NEMF: variants seen among roughly 807,000 people sequenced by gnomAD.
The protein encoded by NEMF is nuclear export mediator factor.
In NEMF, 89 loss-of-function variants were observed where a neutral mutation model predicts 162.2. The ratio of observed to expected loss-of-function variants is 0.55; its 90% CI spans 0.46 to 0.65. NEMF has a LOEUF of 0.65. Ranked by LOEUF, NEMF falls within the 30% of genes least tolerant of loss-of-function variation. The pLI, the probability that NEMF is intolerant of heterozygous loss-of-function variation, is 0.00. For synonymous variants in NEMF, 421 were observed against 404.5 expected, an observed-to-expected ratio of 1.04 and a Z score of -0.49; for missense variants, 1,133 against 1,261.9, an observed-to-expected ratio of 0.90 and a Z score of 1.55.
Position 49,782,498 on chromosome 14 carries a change from C to T in NEMF, c.*2138G>A. ...TCACATTATTACTGAAACTTACTTGCAAAGCATTTGCTTTTAAATGTGTTC... is the reference window on the plus strand; with the variant it reads ...TCACATTATTACTGAAACTTACTTGTAAAGCATTTGCTTTTAAATGTGTTC... On this transcript the variant is annotated 3_prime_UTR_variant, in exon 33 of 33. Coordinates refer to ENST00000298310, the MANE Select transcript of NEMF (RefSeq NM_004713.6). The T allele has an allele frequency of 1.3e-6, 2 of 1,594,978 alleles. No homozygotes were observed. Among genetic ancestry groups the T allele is most frequent in the Non-Finnish European group, 1.7e-6 (2 of 1,165,674 alleles).
chr14:49,836,099 G>A (rs1364390673), intron 6 of NEMF, among the ~76,000 whole-genome samples: 4 of 152,158 alleles, frequency 2.6e-5, no homozygotes, highest in Non-Finnish European at 5.9e-5. Flanking sequence ...GGCCAAGAAG[G>A]TGAAACCCCA....
intron 18 of NEMF, among the ~76,000 whole-genome samples, chr14:49,807,239 A>C (rs1323052266): frequency 6.6e-6 from 1 of 152,262 alleles, no homozygotes; most frequent in Non-Finnish European, 1.5e-5. Context: ...GCAAGTCTGA[A>C]TAATATTCCA....
Position 49,829,336 on chromosome 14 carries a change from C to T in NEMF, c.1023+13G>A, listed in dbSNP as rs763723445. 5.0e-6 allele frequency: 8 copies of T among 1,613,780 alleles called. No individual in the cohort carries two copies. Among genetic ancestry groups the T allele is most frequent in the Non-Finnish European group, 6.8e-6 (8 of 1,179,844 alleles). ...CATTTTTGAAAAAGCACTGAGAAAGCCAAACATAATACCTGAGCCTGCTGA... is the reference window on the plus strand; with the variant it reads ...CATTTTTGAAAAAGCACTGAGAAAGTCAAACATAATACCTGAGCCTGCTGA... On this transcript the variant is annotated intron_variant, in intron 12 of 32. Transcript: ENST00000298310.
chr14:49,818,950 C>G (rs1021658712), intron 16 of NEMF, among the ~76,000 whole-genome samples: 1 of 152,146 alleles, frequency 6.6e-6, no homozygotes, highest in Non-Finnish European at 1.5e-5. Context: ...AACTTCCAAA[C>G]AGCATTTAAA....
At chr14:49,828,033 G>C (rs1356157321) in intron 15 of NEMF, among the ~76,000 whole-genome samples, 1 of 152,174 alleles carries the variant, frequency 6.6e-6, no homozygotes, top group African/African-American at 2.4e-5. Flanking sequence ...TGATTTATGG[G>C]AAAAGAGTCC....
chr14:49,849,363 C>T (rs1042959999), intron 3 of NEMF, among the ~76,000 whole-genome samples: 6 of 152,200 alleles, frequency 3.9e-5, no homozygotes, highest in Admixed American at 1.3e-4. Context: ...AAGCTTGTTT[C>T]ATTTCCCTAT....
intron 16 of NEMF, among the ~76,000 whole-genome samples, chr14:49,816,033 T>C (rs1891699770): frequency 6.6e-6 from 1 of 152,148 alleles, no homozygotes; most frequent in African/African-American, 2.4e-5. Context: ...CTTCAGTTCC[T>C]GTCACTACAC....
rs770108322 is a variant in NEMF at position 49,789,522 on chromosome 14, G to A, written c.2671C>T (p.Arg891Cys). 3.1e-6 allele frequency: 5 copies of A among 1,612,284 alleles called. No homozygotes were observed. Among genetic ancestry groups the A allele is most frequent in the East Asian group, 2.2e-5 (1 of 44,868 alleles). The change falls in exon 27 of 33, where the codon CGT becomes TGT. Residue 891 changes from arginine to cysteine, a missense_variant. Physicochemically the swap from Arg to Cys is radical, Grantham distance 180. This residue lies in a region of NEMF where 532 missense variants were observed against 578.6 expected (regional missense o/e 0.92). Coordinates refer to ENST00000298310, the MANE Select transcript of NEMF (RefSeq NM_004713.6). The part of the protein sequence containing the change: ...EKYKDQDEED[R>C]ELIMKLLGSA... ...CCCAGCAACTTCATGATAAGTTCAC[G>A]GTCTTCTTCATCCTGGTCTTTGTAT...
At chr14:49,786,638 T>C (rs1042146648) in intron 29 of NEMF, 80 bp downstream of exon 29, 3 of 1,388,506 alleles carry the variant, frequency 2.2e-6, no homozygotes, top group African/African-American at 1.4e-5. Context: ...TTCTAAGTTT[T>C]AATAAGTTGT....
intron 5 of NEMF, among the ~76,000 whole-genome samples, 174 bp from the exon 6 acceptor site, chr14:49,838,380 A>G (rs557677462): frequency 2.0e-5 from 3 of 152,278 alleles, no homozygotes; most frequent in East Asian, 3.9e-4. Context: ...TATTTACCCA[A>G]GATTAACAGG....
chr14:49,848,779 G>A (rs998644529), intron 3 of NEMF, among the ~76,000 whole-genome samples: 13 of 142,646 alleles, frequency 9.1e-5, no homozygotes, highest in African/African-American at 3.1e-4. Flanking sequence ...AAGTTGCAGT[G>A]AGCCAAGACT....
chr14:49,847,047 G>C (rs1049318951), intron 3 of NEMF, among the ~76,000 whole-genome samples: 1 of 150,622 alleles, frequency 6.6e-6, no homozygotes, highest in Non-Finnish European at 1.5e-5. Flanking sequence ...CACCACACCC[G>C]GCTAATTTTT....
intron 28 of NEMF, 59 bp from the exon 29 acceptor site, chr14:49,786,809 T>C (rs1890200062): frequency 6.8e-7 from 1 of 1,472,644 alleles, no homozygotes; most frequent in Non-Finnish European, 9.4e-7. Flanking sequence ...AAATTCCACA[T>C]CATTAAACCA....
At chr14:49,788,533 A>C (rs1380818377) in intron 28 of NEMF, among the ~76,000 whole-genome samples, 1 of 149,900 alleles carries the variant, frequency 6.7e-6, no homozygotes, top group Non-Finnish European at 1.5e-5. Context: ...ACACATCTTC[A>C]AGACAATCCC....
chr14:49,847,309 C>A (rs1394216967), intron 3 of NEMF, among the ~76,000 whole-genome samples: 1 of 152,070 alleles, frequency 6.6e-6, no homozygotes, highest in Non-Finnish European at 1.5e-5. Flanking sequence ...TCAAGCAATC[C>A]TCCTGCCTCA....
At position 49,800,509 on chromosome 14, in the gene NEMF, C is replaced by T. The variant is rs773571850; in HGVS notation, c.2283G>A (p.Gln761=). 6 of 1,613,778 alleles carry T rather than the reference C, an allele frequency of 3.7e-6. No individual in the cohort carries two copies. Among genetic ancestry groups the T allele is most frequent in the Non-Finnish European group, 5.1e-6 (6 of 1,179,884 alleles). Reference sequence around the variant, plus strand: ...CATCCTTCATTTCACCAACAGAATCCTGATCTTTTCTAACCTCTTCATATT... The same window carrying T: ...CATCCTTCATTTCACCAACAGAATCTTGATCTTTTCTAACCTCTTCATATT... ...EGEYEEVRKD[Q]DSVGEMKDEG... The change falls in exon 23 of 33, where the codon CAG becomes CAA. Residue 761 remains glutamine (Q), a synonymous_variant. Transcript: ENST00000298310.
chr14:49,807,190 C>G (rs1891254871), intron 18 of NEMF, among the ~76,000 whole-genome samples: 1 of 152,188 alleles, frequency 6.6e-6, no homozygotes, highest in Non-Finnish European at 1.5e-5. Flanking sequence ...TTTCAAGATT[C>G]ATCCATGTTA....
At chr14:49,833,983 A>G (rs758988229) in intron 7 of NEMF, 37 of 307,626 alleles carry the variant, frequency 1.2e-4, no homozygotes, top group Non-Finnish European at 2.1e-4. Context: ...AAACACCACC[A>G]CCAGCACCTG....
intron 13 of NEMF, 97 bp from the exon 14 acceptor site, chr14:49,828,904 T>C: frequency 7.8e-7 from 1 of 1,276,988 alleles, no homozygotes; most frequent in East Asian, 2.5e-5. Flanking sequence ...TTTACAGTAC[T>C]GGAAGTTTCA....
Sources: allele counts gnomAD v4.1 joint callset (sites outside exome capture counted in the v4.1 genomes callset), GRCh38; gene constraint gnomAD v4.1.1; regional missense constraint gnomAD v4.1.1; transcripts MANE v1.5; gene names NCBI Gene and HGNC (gene_info 2026-07-23, HGNC 2026-07-21).